The following MKLN1 variants were observed in gnomAD, a reference collection of about 807,000 sequenced individuals.
MKLN1 encodes muskelin 1.
A neutral mutation model predicts 99.0 loss-of-function variants in MKLN1; 18 were observed. That is an observed-to-expected ratio of 0.18 (90% CI 0.13 to 0.27). MKLN1 has a LOEUF of 0.27. MKLN1 is among the 10% of genes least tolerant of loss of function. MKLN1 has a pLI of 1.00. For missense variants in MKLN1, 621 were observed against 875.9 expected (o/e 0.71, Z 3.67); for synonymous variants, 288 against 293.2 (o/e 0.98, Z 0.18).
intron 1 of MKLN1, among the ~76,000 whole-genome samples, chr7:131,329,757 T>A (rs545036955): frequency 2.0e-5 from 3 of 152,336 alleles, no homozygotes; most frequent in South Asian, 4.1e-4. Flanking sequence ...CTTTAATCTT[T>A]TGTGTCTTGT....
At chr7:131,192,055 T>C (rs1456428279) in intron 2 of MKLN1, among the ~76,000 whole-genome samples, 1 of 96,186 alleles carries the variant, frequency 1.0e-5, no homozygotes, top group African/African-American at 4.7e-5. Flanking sequence ...TATGTATACA[T>C]GTATATATAT....
chr7:131,161,285 A>C (rs1796044406), intron 2 of MKLN1, among the ~76,000 whole-genome samples: 1 of 152,228 alleles, frequency 6.6e-6, no homozygotes, highest in African/African-American at 2.4e-5. Context: ...ATGCTAAATG[A>C]GTCACAGCCT....
At chr7:131,287,262 G>A (rs1036308925) in intron 3 of MKLN1, among the ~76,000 whole-genome samples, 4 of 152,198 alleles carry the variant, frequency 2.6e-5, no homozygotes, top group Non-Finnish European at 4.4e-5. Flanking sequence ...TGTGACTGCC[G>A]TAACAAATTA....
intron 16 of MKLN1, among the ~76,000 whole-genome samples, chr7:131,473,549 C>T (rs1351566403): frequency 6.6e-6 from 1 of 152,066 alleles, no homozygotes; most frequent in East Asian, 1.9e-4. Context: ...TCTAGAAAAG[C>T]CATGAGAAAA....
At chr7:131,174,372 G>A (rs1051489722) in intron 2 of MKLN1, among the ~76,000 whole-genome samples, 2 of 152,064 alleles carry the variant, frequency 1.3e-5, no homozygotes, top group South Asian at 2.1e-4. Context: ...ACTCTTAATC[G>A]GAAAAACTGA....
intron 1 of MKLN1, among the ~76,000 whole-genome samples, chr7:131,331,270 A>G (rs1360256777): frequency 1.3e-5 from 2 of 152,194 alleles, no homozygotes; most frequent in Non-Finnish European, 2.9e-5. Flanking sequence ...GAGGCTTGCC[A>G]GGTTTTCTGA....
chr7:131,240,392 T>TA (rs1184232157), intron 3 of MKLN1, among the ~76,000 whole-genome samples: 1 of 152,052 alleles, frequency 6.6e-6, no homozygotes, highest in Non-Finnish European at 1.5e-5. Context: ...AATACTCAAA[T>TA]ATAAATATTG....
chr7:131,127,302 C>T (rs1381337427), intron 1 of MKLN1, among the ~76,000 whole-genome samples: 2 of 152,116 alleles, frequency 1.3e-5, no homozygotes, highest in Non-Finnish European at 2.9e-5. Context: ...CCAGTGACCA[C>T]TAACAGGTGG....
At chr7:131,336,990 G>A (rs961010180) in intron 1 of MKLN1, among the ~76,000 whole-genome samples, 5 of 152,080 alleles carry the variant, frequency 3.3e-5, no homozygotes, top group Non-Finnish European at 7.4e-5. Context: ...TGACTGTACA[G>A]TTCTACATTA....
chr7:131,240,648 T>A (rs1797389068), intron 3 of MKLN1, among the ~76,000 whole-genome samples: 1 of 152,228 alleles, frequency 6.6e-6, no homozygotes, highest in South Asian at 2.1e-4. Context: ...AACCTGTAAC[T>A]TCACTCTACT....
intron 3 of MKLN1, among the ~76,000 whole-genome samples, chr7:131,220,220 A>C (rs1374703809): frequency 1.3e-5 from 2 of 152,182 alleles, no homozygotes. Flanking sequence ...AACTATTTAC[A>C]AGTTAATTTC....
intron 4 of MKLN1, among the ~76,000 whole-genome samples, chr7:131,395,841 T>C (rs1794343946): frequency 6.6e-6 from 1 of 151,946 alleles, no homozygotes; most frequent in Non-Finnish European, 1.5e-5. Context: ...TGAGTTTTCC[T>C]ATATAGGAAC....
At chr7:131,249,244 G>A (rs944086564) in intron 3 of MKLN1, among the ~76,000 whole-genome samples, 1 of 152,192 alleles carries the variant, frequency 6.6e-6, no homozygotes, top group Non-Finnish European at 1.5e-5. Flanking sequence ...TCTCCCTGGT[G>A]ACTAACAAAA....
chr7:131,150,846 G>A (rs369528986), intron 2 of MKLN1, among the ~76,000 whole-genome samples: 5 of 151,720 alleles, frequency 3.3e-5, no homozygotes, highest in African/African-American at 4.8e-5. Flanking sequence ...AGGAGAAAAC[G>A]TGAACAAGCA....
At chr7:131,255,880 C>CTATT (rs3077583) in intron 3 of MKLN1, among the ~76,000 whole-genome samples, 24,579 of 135,238 alleles carry the variant, frequency 0.18, 3,040 homozygotes, top group African/African-American at 0.3. Context: ...TGTGCCCGAC[C>CTATT]TATTTATTTA....
rs566471576 is a variant in MKLN1, at chr7:131,183,903, C to T, written c.-296-18954C>T. ...CTGAGAACAGGAAGCTTGTGGGAACCAGTCCTGGCCCTGGTACCTTGTTGC... is the reference window on the plus strand; with the variant it reads ...CTGAGAACAGGAAGCTTGTGGGAACTAGTCCTGGCCCTGGTACCTTGTTGC... On this transcript the variant is annotated intron_variant, in intron 2 of 7. Coordinates refer to the MKLN1 transcript ENST00000416992. Among the ~76,000 whole-genome samples, 9 of 152,040 alleles carry T rather than the reference C, an allele frequency of 5.9e-5. No homozygotes were observed. The East Asian group carries it at 1.7e-3, about 29-fold the overall frequency.
intron 1 of MKLN1, among the ~76,000 whole-genome samples, chr7:131,115,092 G>A (rs1795254573): frequency 6.6e-6 from 1 of 152,162 alleles, no homozygotes; most frequent in South Asian, 2.1e-4. Flanking sequence ...AGTAGAGGAT[G>A]CAGATAGATG....
At position 131,370,659 on chromosome 7, in the gene MKLN1, C is replaced by A. The variant is rs114963939; in HGVS notation, c.99-4765C>A. 5.7e-3 allele frequency among the ~76,000 whole-genome samples: 872 copies of A among 152,180 alleles called. 8 individuals carry two copies. Among genetic ancestry groups the A allele is most frequent in the African/African-American group, 0.02 (845 of 41,508 alleles). On this transcript the variant is annotated intron_variant, in intron 1 of 17. Transcript: ENST00000352689. ...CTGTGGGTCACCAGGAGACACCCCT[C>A]AGCAATTAGATGGCTTCAACTGACA...
chr7:131,494,050 A>T lies in MKLN1; in HGVS notation c.*6322A>T, dbSNP rs1394870382. ...TAGCTCATGTCATTTGGTTGGTTTT[A>T]TTTTCTAGCCCTTTAACATAGGAGG... On this transcript the variant is annotated 3_prime_UTR_variant, in exon 18 of 18. Transcript: ENST00000352689. 1 of 152,152 alleles carries T rather than the reference A, an allele frequency of 6.6e-6. No individual in the cohort carries two copies. The highest frequency in any genetic ancestry group is 2.4e-5 in the African/African-American group (1 of 41,442). 9.4% of individuals were successfully genotyped at this position (152,152 alleles called of 1,614,324 possible).
Sources: gnomAD v4.1 joint callset for allele counts (sites outside exome capture counted in the v4.1 genomes callset) on GRCh38, gnomAD v4.1.1 for gene constraint, MANE v1.5 for transcripts, NCBI Gene and HGNC (gene_info 2026-07-23, HGNC 2026-07-21) for gene names.